Variants in MUC17 observed in about 807,000 individuals in gnomAD.
The protein encoded by MUC17 is mucin-17.
Under a neutral mutation model 170.3 loss-of-function variants are expected in MUC17, and 190 were observed. That is an observed-to-expected ratio of 1.12 (90% CI 0.99 to 1.26). The LOEUF (loss-of-function observed/expected upper bound fraction) is 1.26, where lower values mean the gene tolerates loss of function less well. MUC17 is among the 50% of genes most tolerant of loss of function. The pLI is 0.00. For synonymous variants in MUC17, 2,325 were observed against 2,002.5 expected (o/e 1.16, Z -4.30); for missense variants, 6,415 against 5,530.0 (o/e 1.16, Z -5.08).
intron 1 of MUC17, among the ~76,000 whole-genome samples, chr7:101,030,077 G>T (rs1794249685): frequency 6.6e-6 from 1 of 152,074 alleles, no homozygotes; most frequent in African/African-American, 2.4e-5. Flanking sequence ...CACATAGATT[G>T]TTCTACGGGT....
rs369224185 is a variant in MUC17, at chr7:101,035,936, C to G, written c.4520C>G (p.Ser1507Ter). The G allele has an allele frequency of 3.7e-6, 6 of 1,612,810 alleles. No individual in the cohort carries two copies. Among genetic ancestry groups the G allele is most frequent in the Non-Finnish European group, 4.2e-6 (5 of 1,179,462 alleles). ...TPAEGTSIAI[S>*]TPSEGSTALT... ...GCTGAAGGTACCAGCATAGCAATCTCAACGCCTAGTGAAGGAAGCACTGCA... is the reference window on the plus strand; with the variant it reads ...GCTGAAGGTACCAGCATAGCAATCTGAACGCCTAGTGAAGGAAGCACTGCA... Residue 1507 changes from serine to a stop codon, truncating the protein, a stop_gained, in exon 3 of 13, where the codon TCA becomes TGA. Transcript: ENST00000306151. LOFTEE classifies it high-confidence loss of function.
rs771084387 is a variant in MUC17, at chr7:101,036,485, C to G, written c.5069C>G (p.Thr1690Ser). The change falls in exon 3 of 13, where the codon ACT becomes AGT. Residue 1690 changes from threonine (T) to serine (S), a missense_variant. Thr to Ser is a moderately conservative substitution (Grantham distance 58, BLOSUM62 1). Coordinates refer to ENST00000306151, the MANE Select transcript of MUC17 (RefSeq NM_001040105.2). ...ACCTCAACTTATACTGAAGGAAGAACTCCTTTAACAAGTATAACTGTCAGA... is the reference window on the plus strand; with the variant it reads ...ACCTCAACTTATACTGAAGGAAGAAGTCCTTTAACAAGTATAACTGTCAGA... ...MPTSTYTEGRTPLTSITVRTT... is the reference protein window; with the variant it reads ...MPTSTYTEGRSPLTSITVRTT... The G allele has an allele frequency of 2.5e-6, 4 of 1,610,804 alleles. No individual in the cohort carries two copies. Among genetic ancestry groups the G allele is most frequent in the South Asian group, 1.1e-5 (1 of 90,742 alleles).
Position 101,031,754 on chromosome 7 carries a change from C to A in MUC17, c.338C>A (p.Thr113Lys), listed in dbSNP as rs1794283563. Residue 113 changes from threonine to lysine, a missense_variant, in exon 3 of 13, where the codon ACA becomes AAA. Physicochemically the swap from Thr to Lys is moderately conservative, Grantham distance 78 (BLOSUM62 -1). Coordinates refer to ENST00000306151, the MANE Select transcript of MUC17 (RefSeq NM_001040105.2). ...GTCTCCAGTACCAGGATGACACCAA[C>A]AGAATCCAGAACAACTTCAGAATCT... ...PGVSSTRMTP[T>K]ESRTTSESTS... 6.2e-7 allele frequency: 1 copy of A among 1,604,964 alleles called. No homozygotes were observed. Among genetic ancestry groups the A allele is most frequent in the Non-Finnish European group, 8.5e-7 (1 of 1,171,708 alleles).
At position 101,036,617 on chromosome 7, in the gene MUC17, C is replaced by G. The variant is rs1794488299; in HGVS notation, c.5201C>G (p.Ser1734Cys). ...STEARSSPTTSEGTSMPNSTP... is the reference protein window; with the variant it reads ...STEARSSPTTCEGTSMPNSTP... ...GAAGCCCGTTCATCTCCTACAACTT[C>G]TGAAGGTACCAGCATGCCAAACTCA... Residue 1734 changes from serine to cysteine, a missense_variant, in exon 3 of 13, where the codon TCT becomes TGT. Transcript: ENST00000306151. 2 of 1,613,408 alleles carry G rather than the reference C, an allele frequency of 1.2e-6. No homozygotes were observed. The highest frequency in any genetic ancestry group is 4.5e-5 in the East Asian group (2 of 44,856).
Position 101,041,175 on chromosome 7 carries a change from G to A in MUC17, c.9759G>A (p.Leu3253=). ...CTCCTGTTGACTCCAACACTCCTTT[G>A]ACCACTTCTACTGAAGCCAGTTCAT... The part of the protein sequence containing the change: ...STTPVDSNTP[L]TTSTEASSSP... Residue 3253 remains leucine, a synonymous_variant, in exon 3 of 13, where the codon TTG becomes TTA. Coordinates refer to ENST00000306151, the MANE Select transcript of MUC17 (RefSeq NM_001040105.2). The A allele has an allele frequency of 6.2e-7, 1 of 1,610,770 alleles. No homozygotes were observed. Among genetic ancestry groups the A allele is most frequent in the Non-Finnish European group, 8.5e-7 (1 of 1,179,256 alleles).
Position 101,038,092 on chromosome 7 carries a change from C to G in MUC17, c.6676C>G (p.Pro2226Ala). The G allele has an allele frequency of 7.1e-7, 1 of 1,406,232 alleles. No homozygotes were observed. The highest frequency in any genetic ancestry group is 9.5e-7 in the Non-Finnish European group (1 of 1,050,212). 87.1% of individuals were successfully genotyped at this position (1,406,232 alleles called of 1,614,324 possible). A position where few individuals can be genotyped will look rare whatever the true frequency, so the allele number is the denominator to read the frequency against. Residue 2226 changes from proline (P) to alanine (A), a missense_variant, in exon 3 of 13, where the codon CCT becomes GCT. Coordinates refer to ENST00000306151, the MANE Select transcript of MUC17 (RefSeq NM_001040105.2). ...SEGSTPFTSM[P>A]VSTMPVVTSE... ...AGGAAGCACTCCATTCACAAGTATG[C>G]CTGTCAGCACCATGCCGGTAGTTAC...
At chr7:101,050,667 G>C in intron 7 of MUC17, 32 bp downstream of exon 7, 1 of 1,605,484 alleles carries the variant, frequency 6.2e-7, no homozygotes, top group Non-Finnish European at 8.5e-7. Context: ...AGGGAAGGGA[G>C]AAGGCATCAG....
rs780884303 is a variant in MUC17, at chr7:101,036,872, T to C, written c.5456T>C (p.Leu1819Pro). 4.4e-6 allele frequency: 7 copies of C among 1,604,956 alleles called. No homozygotes were observed. The Admixed American group carries it at 1.0e-4, about 23-fold the overall frequency. Residue 1819 changes from leucine to proline, a missense_variant, in exon 3 of 13, where the codon CTG becomes CCG. Coordinates refer to ENST00000306151, the MANE Select transcript of MUC17 (RefSeq NM_001040105.2). ...PLTSTPVSHTLVANSEASTLS... is the reference protein window; with the variant it reads ...PLTSTPVSHTPVANSEASTLS... ...ACAAGCACACCTGTCAGCCACACGC[T>C]GGTGGCCAATTCTGAGGCTAGCACC...
At chr7:101,051,517 A>C in intron 7 of MUC17, 96 bp from the exon 8 acceptor site, 2 of 1,231,906 alleles carry the variant, frequency 1.6e-6, no homozygotes, top group Non-Finnish European at 2.3e-6. Flanking sequence ...TCCCCATCGC[A>C]GCCCACCCCC....
intron 5 of MUC17, 87 bp downstream of exon 5, chr7:101,049,059 C>T: frequency 1.3e-6 from 2 of 1,587,830 alleles, no homozygotes; most frequent in East Asian, 2.2e-5. Context: ...GGGGCTGTTC[C>T]CTTGTTAGAT....
In MUC17 at chr7:101,043,137, C is replaced by T; in HGVS notation, c.11721C>T (p.Thr3907=). 1 of 1,614,152 alleles carries T rather than the reference C, an allele frequency of 6.2e-7. No homozygotes were observed. The highest frequency in any genetic ancestry group is 8.5e-7 in the Non-Finnish European group (1 of 1,180,018). Residue 3907 remains threonine, a synonymous_variant, in exon 3 of 13, where the codon ACC becomes ACT. Coordinates refer to ENST00000306151, the MANE Select transcript of MUC17 (RefSeq NM_001040105.2). ...TPPLDTSTTF[T]PSTDTASTPT... ...CTCTTGACACAAGCACAACTTTTAC[C>T]CCTTCTACTGACACTGCCTCAACTC...
In MUC17 at chr7:101,038,485, A is replaced by G; in HGVS notation, c.7069A>G (p.Thr2357Ala). The G allele has an allele frequency of 6.2e-7, 1 of 1,604,166 alleles. No individual in the cohort carries two copies. The highest frequency in any genetic ancestry group is 8.5e-7 in the Non-Finnish European group (1 of 1,174,136). Residue 2357 changes from threonine to alanine, a missense_variant, in exon 3 of 13, where the codon ACA (threonine) becomes GCA (alanine). Physicochemically the swap from Thr to Ala is moderately conservative, Grantham distance 58. Coordinates refer to ENST00000306151, the MANE Select transcript of MUC17 (RefSeq NM_001040105.2). ...AATGGTGGCCAGTTTTGAAACAAGC[A>G]CACTTTCTACAACTCCTGCTGACAC... Reference protein sequence around the residue: ...TTMVASFETSTLSTTPADTST... With the variant: ...TTMVASFETSALSTTPADTST...
rs748625995 is a variant in MUC17 at position 101,033,845 on chromosome 7, G to T, written c.2429G>T (p.Ser810Ile). 3 of 1,613,608 alleles carry T rather than the reference G, an allele frequency of 1.9e-6. No homozygotes were observed. Among genetic ancestry groups the T allele is most frequent in the Non-Finnish European group, 2.5e-6 (3 of 1,179,890 alleles). Residue 810 changes from serine to isoleucine, a missense_variant, in exon 3 of 13, where the codon AGT becomes ATT. Ser to Ile is a moderately radical substitution (Grantham distance 142). Transcript: ENST00000306151. Reference protein sequence around the residue: ...TPSEGSPLLTSIPVSITPVTS... With the variant: ...TPSEGSPLLTIIPVSITPVTS... ...AGTGAAGGAAGTCCTTTATTAACAA[G>T]TATACCTGTCAGCATCACACCGGTG...
chr7:101,033,210 C>T lies in MUC17; in HGVS notation c.1794C>T (p.Asn598=), dbSNP rs1794349008. 1 of 1,613,974 alleles carries T rather than the reference C, an allele frequency of 6.2e-7. No individual in the cohort carries two copies. ...STTSTTPADS[N]TFVTTSSEAS... ...CTTCAACAACTCCTGCTGACTCCAA[C>T]ACTTTTGTGACCACTTCTAGTGAAG... Residue 598 remains asparagine, a synonymous_variant, in exon 3 of 13, where the codon AAC becomes AAT. Coordinates refer to ENST00000306151, the MANE Select transcript of MUC17 (RefSeq NM_001040105.2).
At position 101,039,254 on chromosome 7, in the gene MUC17, C is replaced by A. The variant is rs1369952499; in HGVS notation, c.7838C>A (p.Ser2613Ter). ...GTCACCACTTCTACTGAAACCAGTT[C>A]ATCTCCTACAACTGCAAAAGATACC... ...IPVTTSTETS[S>*]SPTTAKDTSM... is the part of the protein sequence containing the mutation. The change falls in exon 3 of 13, where the codon TCA becomes TAA. Residue 2613 changes from serine to a stop codon, truncating the protein, a stop_gained. Transcript: ENST00000306151. LOFTEE classifies it high-confidence loss of function. 8.7e-6 allele frequency: 14 copies of A among 1,613,360 alleles called. No individual in the cohort carries two copies. The highest frequency in any genetic ancestry group is 1.2e-5 in the Non-Finnish European group (14 of 1,179,698).
At chr7:101,029,335 A>G (rs28760116) in intron 1 of MUC17, among the ~76,000 whole-genome samples, 27,495 of 151,886 alleles carry the variant, frequency 0.18, 3,148 homozygotes, top group African/African-American at 0.31. Flanking sequence ...CAGCCTGGGC[A>G]ACAGAGCGAG....
In MUC17 at chr7:101,040,304, C is replaced by G; in HGVS notation, c.8888C>G (p.Ala2963Gly). ...VDTRTPVTTS[A>G]EASSSPTTAE... ...ACCAGGACACCTGTCACCACTTCTGCTGAAGCTAGTTCTTCTCCTACAACT... is the reference window on the plus strand; with the variant it reads ...ACCAGGACACCTGTCACCACTTCTGGTGAAGCTAGTTCTTCTCCTACAACT... The change falls in exon 3 of 13, where the codon GCT becomes GGT. Residue 2963 changes from alanine (A) to glycine (G), a missense_variant. Coordinates refer to ENST00000306151, the MANE Select transcript of MUC17 (RefSeq NM_001040105.2). 6.2e-7 allele frequency: 1 copy of G among 1,611,996 alleles called. No homozygotes were observed. Among genetic ancestry groups the G allele is most frequent in the Non-Finnish European group, 8.5e-7 (1 of 1,179,072 alleles).
chr7:101,051,547 C>A, intron 7 of MUC17, 66 bp from the exon 8 acceptor site: 2 of 1,536,698 alleles, frequency 1.3e-6, no homozygotes, highest in South Asian at 2.3e-5. Context: ...ACACACGTCT[C>A]AGCTCCCTGA....
At chr7:101,052,005 G>A (rs753531342) in intron 9 of MUC17, 43 bp downstream of exon 9, 48 of 1,583,510 alleles carry the variant, frequency 3.0e-5, no homozygotes, top group Non-Finnish European at 3.6e-5. Flanking sequence ...CAGACGTCCT[G>A]GTCCTCCCCT....
Sources: gnomAD v4.1 joint callset for allele counts (sites outside exome capture counted in the v4.1 genomes callset) on GRCh38, gnomAD v4.1.1 for gene constraint, MANE v1.5 for transcripts, NCBI Gene and HGNC (gene_info 2026-07-23, HGNC 2026-07-21) for gene names.